The following IQCN variants were observed in gnomAD, a reference collection of about 807,000 sequenced individuals.
IQCN encodes IQ domain-containing protein N.
IQCN carries 46 observed loss-of-function variants against 64.4 expected under a neutral mutation model. The ratio of observed to expected loss-of-function variants is 0.71; its 90% CI spans 0.56 to 0.91. The LOEUF (loss-of-function observed/expected upper bound fraction) is 0.91, where lower values mean the gene tolerates loss of function less well. Among genes scored for constraint, IQCN ranks in the 40% least tolerant of loss-of-function variants. The pLI is 0.00. For synonymous variants in IQCN, 733 were observed against 775.6 expected (o/e 0.95, Z 0.91); for missense variants, 1,753 against 1,857.4 (o/e 0.94, Z 1.03).
Position 18,257,988 on chromosome 19 carries a change from G to A in IQCN, c.3296C>T (p.Ser1099Phe), listed in dbSNP as rs1276741618. ...RNKAVVPPRR[S>F]GEPMVSMQAA... ...CTGCATGGACACCATTGGCTCCCCGGACCGCCTGGGAGGCACCACCGCCTT... is the reference window on the plus strand; with the variant it reads ...CTGCATGGACACCATTGGCTCCCCGAACCGCCTGGGAGGCACCACCGCCTT... The change falls in exon 4 of 4, where the codon TCC (serine) becomes TTC (phenylalanine). Residue 1099 changes from serine (S) to phenylalanine (F), a missense_variant. Transcript: ENST00000392413. The A allele has an allele frequency of 6.2e-7, 1 of 1,612,446 alleles. No homozygotes were observed. The highest frequency in any genetic ancestry group is 8.5e-7 in the Non-Finnish European group (1 of 1,179,668).
chr19:18,266,064 T>C lies in IQCN; in HGVS notation c.1476A>G (p.Ser492=), dbSNP rs780200372. The C allele has an allele frequency of 1.9e-6, 3 of 1,611,340 alleles. No homozygotes were observed. The highest frequency in any genetic ancestry group is 2.2e-5 in the East Asian group (1 of 44,714). ...TCATGGCTGGCAGGCGGGTCTGGGGTGAGGGCTTGGTCACCCCAACTGGGC... is the reference window on the plus strand; with the variant it reads ...TCATGGCTGGCAGGCGGGTCTGGGGCGAGGGCTTGGTCACCCCAACTGGGC... ...QRSPVGVTKP[S]PQTRLPAMIT... The change falls in exon 3 of 4, where the codon TCA becomes TCG. Residue 492 remains serine, a synonymous_variant. Coordinates refer to ENST00000392413, the MANE Select transcript of IQCN (RefSeq NM_001145304.2). This position sits in a 1 kb window ranked among gnomAD's most constrained non-coding sequence, Gnocchi z 4.3.
chr19:18,269,458 C>T lies in IQCN; in HGVS notation c.13+8G>A, dbSNP rs1337981632. 2 of 1,613,986 alleles carry T rather than the reference C, an allele frequency of 1.2e-6. No individual in the cohort carries two copies. The highest frequency in any genetic ancestry group is 8.5e-7 in the Non-Finnish European group (1 of 1,179,948). ...GCCAGACCCCTTGCCCATAGACCAT[C>T]TTCTTACCTTGAAGGGTCATAGATT... is the stretch of plus-strand genomic sequence containing the variant. On this transcript the variant is annotated splice_region_variant and intron_variant, in intron 2 of 3. Coordinates refer to ENST00000392413, the MANE Select transcript of IQCN (RefSeq NM_001145304.2).
rs1260274663 is a variant in IQCN, at chr19:18,266,688, T to TA, written c.851dup (p.Ser285LysfsTer19). ...CCCTGGCTTTGTTGGTCCGGGCACT[T>TA]ACACGTTTGGTCTTCACTGAGTCAC... On this transcript the variant is annotated frameshift_variant, in exon 3 of 4. Transcript: ENST00000392413. LOFTEE classifies it high-confidence loss of function. This position sits in a 1 kb window ranked among gnomAD's most constrained non-coding sequence, Gnocchi z 4.3. 1 of 1,614,132 alleles carries TA rather than the reference T, an allele frequency of 6.2e-7. No homozygotes were observed. Among genetic ancestry groups the TA allele is most frequent in the Non-Finnish European group, 8.5e-7 (1 of 1,180,014 alleles).
intron 1 of IQCN, among the ~76,000 whole-genome samples, chr19:18,270,051 TAAAAAAAAAAAAA>T (rs60981546): frequency 5.4e-4 from 41 of 75,830 alleles, no homozygotes; most frequent in African/African-American, 1.8e-3. Flanking sequence ...AACTGTCTCT[TAAAAAAAAAAAAA>T]AAAAAAAAAA....
chr19:18,267,133 G>C lies in IQCN; in HGVS notation c.407C>G (p.Ala136Gly), dbSNP rs531584807. 6.2e-6 allele frequency: 10 copies of C among 1,614,102 alleles called. No homozygotes were observed. Among genetic ancestry groups the C allele is most frequent in the Non-Finnish European group, 8.5e-6 (10 of 1,180,028 alleles). The part of the protein sequence containing the change: ...QMMAAKAIQE[A>G]WRRFNKRHIL... ...GTGTCTCTTGTTGAAGCGCCGCCAG[G>C]CCTCCTGGATGGCCTTGGCCGCCAT... The change falls in exon 3 of 4, where the codon GCC (alanine) becomes GGC (glycine). Residue 136 changes from alanine (A) to glycine (G), a missense_variant. Coordinates refer to ENST00000392413, the MANE Select transcript of IQCN (RefSeq NM_001145304.2).
Position 18,269,585 on chromosome 19 carries a change from G to A in IQCN, c.-107C>T. The A allele has an allele frequency of 1.9e-6, 2 of 1,072,156 alleles. No homozygotes were observed. Among genetic ancestry groups the A allele is most frequent in the East Asian group, 2.6e-5 (1 of 39,010 alleles). The allele number at this position is 1,072,156 out of a possible 1,614,324, so 66.4% of individuals were successfully genotyped here. ...ATGCAATATGCAGCAACACTGCCCT[G>A]GGCTGGCTCAAGACCAACACAAAAA... On this transcript the variant is annotated splice_region_variant and 5_prime_UTR_variant, in exon 2 of 4. Coordinates refer to ENST00000392413, the MANE Select transcript of IQCN (RefSeq NM_001145304.2).
At chr19:18,262,949 G>C (rs536027475) in intron 3 of IQCN, among the ~76,000 whole-genome samples, 1 of 152,192 alleles carries the variant, frequency 6.6e-6, no homozygotes, top group East Asian at 1.9e-4. Context: ...CAGAGCTCTT[G>C]CCTAAGGAGA....
intron 2 of IQCN, among the ~76,000 whole-genome samples, chr19:18,268,655 C>T (rs752604856): frequency 8.0e-4 from 122 of 151,850 alleles, no homozygotes; most frequent in Non-Finnish European, 1.5e-3. Context: ...TGGTGAAACC[C>T]GTCTCTACTA....
At chr19:18,271,534 A>G (rs1969736130) in intron 1 of IQCN, among the ~76,000 whole-genome samples, 1 of 152,092 alleles carries the variant, frequency 6.6e-6, no homozygotes, top group Non-Finnish European at 1.5e-5. Context: ...AGTATCCCCA[A>G]AAAAGGGGCA....
rs1406619763 is a variant in IQCN at position 18,257,264 on chromosome 19, C to T, written c.4020G>A (p.Arg1340=). ...VQATWRGHHT[R]SCLKNTEALL... is the part of the protein sequence containing the mutation. ...GCGCCTCTGTGTTCTTCAGACAGCT[C>T]CGGGTATGGTGGCCTCGCCAGGTGG... The change falls in exon 4 of 4, where the codon CGG becomes CGA. Residue 1340 remains arginine, a synonymous_variant. Coordinates refer to ENST00000392413, the MANE Select transcript of IQCN (RefSeq NM_001145304.2). 6.2e-7 allele frequency: 1 copy of T among 1,613,734 alleles called. No individual in the cohort carries two copies. Among genetic ancestry groups the T allele is most frequent in the East Asian group, 2.2e-5 (1 of 44,882 alleles).
chr19:18,272,847 T>A (rs1969767752), intron 1 of IQCN, among the ~76,000 whole-genome samples: 1 of 151,822 alleles, frequency 6.6e-6, no homozygotes, highest in Non-Finnish European at 1.5e-5. Context: ...CCTGACCTCG[T>A]GATTCGCCCA....
At position 18,264,798 on chromosome 19, in the gene IQCN, G is replaced by C. The variant is rs8102923; in HGVS notation, c.2742C>G (p.Ala914=). 1.3e-6 allele frequency: 2 copies of C among 1,553,014 alleles called. No homozygotes were observed. The highest frequency in any genetic ancestry group is 2.0e-5 in the Admixed American group (1 of 51,094). The change falls in exon 3 of 4, where the codon GCC becomes GCG. Residue 914 remains alanine (A), a synonymous_variant. Transcript: ENST00000392413. The surrounding 1 kb of genome is among the most constrained non-coding windows in gnomAD (Gnocchi z 4.3). ...TGGCACCCAGGACCTCCTTGGACAG[G>C]GCCTGGTTCAGAGCTGCCCAGACTT... The part of the protein sequence containing the change: ...QGEVWAALNQ[A]LSKEVLGATV...
chr19:18,258,728 T>C (rs530031242), intron 3 of IQCN: 28 of 314,612 alleles, frequency 8.9e-5, no homozygotes, highest in African/African-American at 5.8e-4. Flanking sequence ...GCTGGGGTGA[T>C]CCTGAGACTA....
At chr19:18,260,060 A>T (rs1969391476) in intron 3 of IQCN, 1 of 152,426 alleles carries the variant, frequency 6.6e-6, no homozygotes, top group Admixed American at 6.5e-5. Flanking sequence ...TTACAGCCAC[A>T]CCCCTGAACA....
rs772126042 is a variant in IQCN, at chr19:18,265,203, C to A, written c.2337G>T (p.Lys779Asn). The A allele has an allele frequency of 1.9e-6, 3 of 1,611,564 alleles. No individual in the cohort carries two copies. Among genetic ancestry groups the A allele is most frequent in the African/African-American group, 2.7e-5 (2 of 74,924 alleles). The change falls in exon 3 of 4, where the codon AAG becomes AAT. Residue 779 changes from lysine (K) to asparagine (N), a missense_variant. Lys to Asn is a moderately conservative substitution (Grantham distance 94). Transcript: ENST00000392413. The surrounding 1 kb of genome is among the most constrained non-coding windows in gnomAD (Gnocchi z 4.7). ...GGCGCTGGCAGGCGTGGTTGGACAC[C>A]TTGGACCCTGTTAGGAGCACCTGGG... is the stretch of plus-strand genomic sequence containing the variant. Reference protein sequence around the residue: ...THSQVLLTGSKVSNHACQRLG... With the variant: ...THSQVLLTGSNVSNHACQRLG...
chr19:18,269,682 A>G (rs1203969620), intron 1 of IQCN, 95 bp from the exon 2 acceptor site: 1 of 516,836 alleles, frequency 1.9e-6, no homozygotes, highest in Non-Finnish European at 3.4e-6. Flanking sequence ...TAAAAAAAAA[A>G]AAAAATGTGC....
chr19:18,263,517 G>A (rs1188118911), intron 3 of IQCN, among the ~76,000 whole-genome samples: 1 of 152,196 alleles, frequency 6.6e-6, no homozygotes, highest in African/African-American at 2.4e-5. Flanking sequence ...ACTGCCGGGG[G>A]AAGCTTGAAA....
chr19:18,257,648 G>C lies in IQCN; in HGVS notation c.3636C>G (p.Ala1212=). ...SDRSWFQDGR[A]RTVSDHRCFQ... ...AGCAGCGATGGTCAGATACTGTCCT[G>C]GCTCTGCCATCCTGGAACCAGCTTC... Residue 1212 remains alanine, a synonymous_variant, in exon 4 of 4, where the codon GCC becomes GCG. Transcript: ENST00000392413. 1 of 1,610,516 alleles carries C rather than the reference G, an allele frequency of 6.2e-7. No individual in the cohort carries two copies. Among genetic ancestry groups the C allele is most frequent in the Non-Finnish European group, 8.5e-7 (1 of 1,178,334 alleles).
At position 18,267,007 on chromosome 19, in the gene IQCN, T is replaced by C; in HGVS notation, c.533A>G (p.Glu178Gly). Residue 178 changes from glutamate to glycine, a missense_variant, in exon 3 of 4, where the codon GAG (glutamate) becomes GGG (glycine). By Grantham distance (98) the Glu-to-Gly change is moderately conservative. Coordinates refer to ENST00000392413, the MANE Select transcript of IQCN (RefSeq NM_001145304.2). Reference sequence around the variant, plus strand: ...GATGGGCGGGGACAGAAGGCGGTTCTCTTCCGGATGCTGGAAGCGCACCTG... The same window carrying C: ...GATGGGCGGGGACAGAAGGCGGTTCCCTTCCGGATGCTGGAAGCGCACCTG... ...PQQVRFQHPE[E>G]NRLLSPPIMV... is the part of the protein sequence containing the mutation. The C allele has an allele frequency of 6.2e-7, 1 of 1,614,220 alleles. No individual in the cohort carries two copies. Among genetic ancestry groups the C allele is most frequent in the East Asian group, 2.2e-5 (1 of 44,890 alleles).
Sources: allele counts gnomAD v4.1 joint callset (sites outside exome capture counted in the v4.1 genomes callset), GRCh38; gene constraint gnomAD v4.1.1; non-coding constraint Gnocchi (gnomAD v3.1); transcripts MANE v1.5; gene names NCBI Gene and HGNC (gene_info 2026-07-23, HGNC 2026-07-21).